The following TMEM163 variants were observed in gnomAD, a reference collection of about 807,000 sequenced individuals.
The protein encoded by TMEM163 is transmembrane protein 163.
TMEM163 carries 17 observed loss-of-function variants against 29.3 expected under a neutral mutation model. The observed-to-expected ratio is 0.58, with a 90% CI of 0.40 to 0.87. The LOEUF is 0.87. TMEM163 is among the 40% of genes least tolerant of loss of function. TMEM163 has a pLI of 0.00. For synonymous variants in TMEM163, 157 were observed against 160.6 expected, an observed-to-expected ratio of 0.98 and a Z score of 0.17; for missense variants, 303 against 381.5, an observed-to-expected ratio of 0.79 and a Z score of 1.71.
At chr2:134,598,563 A>G (rs1189788686) in intron 2 of TMEM163, among the ~76,000 whole-genome samples, 2 of 152,196 alleles carry the variant, frequency 1.3e-5, no homozygotes, top group Non-Finnish European at 2.9e-5. Flanking sequence ...TCGTGCTTTT[A>G]GCCACTAGGC....
intron 2 of TMEM163, among the ~76,000 whole-genome samples, chr2:134,659,022 C>A (rs568960886): frequency 6.6e-6 from 1 of 152,320 alleles, no homozygotes; most frequent in Non-Finnish European, 1.5e-5. Context: ...GTGCAAACAT[C>A]GCCGAGTGTA....
At chr2:134,624,437 C>T (rs189653538) in intron 2 of TMEM163, among the ~76,000 whole-genome samples, 70 of 152,144 alleles carry the variant, frequency 4.6e-4, no homozygotes, top group African/African-American at 1.6e-3. Context: ...AAGAGGGGAA[C>T]GACACACACT....
At chr2:134,472,378 C>T (rs755095821) in intron 5 of TMEM163, among the ~76,000 whole-genome samples, 2 of 152,124 alleles carry the variant, frequency 1.3e-5, no homozygotes, top group Admixed American at 1.3e-4. Context: ...AAATTTTAAA[C>T]ATATGAAAAA....
chr2:134,636,385 C>CA (rs1354905655), intron 2 of TMEM163, among the ~76,000 whole-genome samples: 1 of 152,212 alleles, frequency 6.6e-6, no homozygotes, highest in Non-Finnish European at 1.5e-5. Flanking sequence ...AAAACGTAAA[C>CA]ATGTACAGCA....
chr2:134,575,390 C>T (rs1681529664), intron 2 of TMEM163, among the ~76,000 whole-genome samples: 1 of 152,142 alleles, frequency 6.6e-6, no homozygotes, highest in East Asian at 1.9e-4. Flanking sequence ...CCGAGAATCG[C>T]CCCCTCAGCT....
At chr2:134,472,303 G>A (rs1686821180) in intron 5 of TMEM163, among the ~76,000 whole-genome samples, 1 of 152,164 alleles carries the variant, frequency 6.6e-6, no homozygotes, top group Admixed American at 6.5e-5. Context: ...TGGAAATCTA[G>A]AGGAAAAAGA....
At chr2:134,667,663 C>T (rs200101984) in intron 2 of TMEM163, among the ~76,000 whole-genome samples, 6 of 152,140 alleles carry the variant, frequency 3.9e-5, no homozygotes, top group South Asian at 2.1e-4. Flanking sequence ...TATATGTAAC[C>T]GCTTCTAAAA....
At chr2:134,602,043 T>G (rs1249549808) in intron 2 of TMEM163, among the ~76,000 whole-genome samples, 1 of 152,066 alleles carries the variant, frequency 6.6e-6, no homozygotes, top group Non-Finnish European at 1.5e-5. Flanking sequence ...AAGGAGAAAA[T>G]TAAAATGTCA....
In TMEM163 at chr2:134,602,083, A is replaced by C. The variant is rs758425534; in HGVS notation, c.323-49992T>G. 6.6e-5 allele frequency among the ~76,000 whole-genome samples: 10 copies of C among 152,340 alleles called. No individual in the cohort carries two copies. The Middle Eastern group carries it at 0.01, about 155-fold the overall frequency. On this transcript the variant is annotated intron_variant, in intron 2 of 7. Coordinates refer to ENST00000281924, the MANE Select transcript of TMEM163 (RefSeq NM_030923.5). ...CAGCTGAAAGCAATCTCTACTTTAA[A>C]TGGAGGATGAACGTGGTTAAGGTCT...
chr2:134,623,050 C>A (rs1279615877), intron 2 of TMEM163, among the ~76,000 whole-genome samples: 1 of 152,080 alleles, frequency 6.6e-6, no homozygotes, highest in Non-Finnish European at 1.5e-5. Flanking sequence ...AGTAAGCAAA[C>A]AATATTCTCT....
At chr2:134,544,914 C>T (rs552216032) in intron 4 of TMEM163, among the ~76,000 whole-genome samples, 7 of 152,284 alleles carry the variant, frequency 4.6e-5, no homozygotes, top group African/African-American at 1.2e-4. Context: ...ACACAGCCAT[C>T]GCCGCTGAGC....
chr2:134,605,470 C>T (rs1039718522), intron 2 of TMEM163, among the ~76,000 whole-genome samples: 12 of 151,848 alleles, frequency 7.9e-5, no homozygotes, highest in Middle Eastern at 3.2e-3. Flanking sequence ...GGCTGAGGCA[C>T]GAGGATCACC....
intron 2 of TMEM163, among the ~76,000 whole-genome samples, chr2:134,618,502 T>A (rs6728095): frequency 0.48 from 72,685 of 151,914 alleles, 18,232 homozygotes; most frequent in Non-Finnish European, 0.55. Flanking sequence ...AGAATGAGAA[T>A]CAGTAAAGAT....
intron 4 of TMEM163, among the ~76,000 whole-genome samples, chr2:134,529,792 T>C (rs960719066): frequency 1.3e-5 from 2 of 152,030 alleles, no homozygotes; most frequent in Non-Finnish European, 2.9e-5. Flanking sequence ...AGTTTTTAAA[T>C]AATGAGTACA....
At chr2:134,641,005 A>C (rs773427972) in intron 2 of TMEM163, among the ~76,000 whole-genome samples, 1 of 152,268 alleles carries the variant, frequency 6.6e-6, no homozygotes, top group Non-Finnish European at 1.5e-5. Flanking sequence ...TACAAACAGC[A>C]AAAAGAAAGT....
intron 2 of TMEM163, among the ~76,000 whole-genome samples, chr2:134,643,235 T>C (rs1683259896): frequency 6.6e-6 from 1 of 152,068 alleles, no homozygotes; most frequent in African/African-American, 2.4e-5. Context: ...ATCTTTCAAT[T>C]TAGATGAAAT....
intron 4 of TMEM163, among the ~76,000 whole-genome samples, chr2:134,533,006 T>C (rs995712956): frequency 6.6e-6 from 1 of 152,190 alleles, no homozygotes; most frequent in African/African-American, 2.4e-5. Flanking sequence ...GGACACACTA[T>C]GGACGTTTAA....
At chr2:134,655,193 C>T (rs1400317371) in intron 2 of TMEM163, among the ~76,000 whole-genome samples, 2 of 140,780 alleles carry the variant, frequency 1.4e-5, no homozygotes, top group East Asian at 2.0e-4. Context: ...ACCAATCAGA[C>T]GTAGATTTGG....
intron 2 of TMEM163, among the ~76,000 whole-genome samples, chr2:134,700,320 T>C (rs557216392): frequency 6.6e-6 from 1 of 152,328 alleles, no homozygotes; most frequent in Non-Finnish European, 1.5e-5. Context: ...TTTCCTCTCT[T>C]TTCTGCTTTT....
Sources: allele counts gnomAD v4.1 joint callset (sites outside exome capture counted in the v4.1 genomes callset), GRCh38; gene constraint gnomAD v4.1.1; transcripts MANE v1.5; gene names NCBI Gene and HGNC (gene_info 2026-07-23, HGNC 2026-07-21).